Variants in ADGB observed in about 807,000 individuals in gnomAD.
The protein encoded by ADGB is calpain-7-like protein.
Under a neutral mutation model 210.5 loss-of-function variants are expected in ADGB, and 172 were observed. The observed-to-expected ratio is 0.82, with a 90% CI of 0.72 to 0.93. The LOEUF (loss-of-function observed/expected upper bound fraction) is 0.93. ADGB is among the 40% of genes least tolerant of loss of function. The probability of loss-of-function intolerance (pLI) is 0.00; values close to 1 mark genes in which losing one functional copy is unlikely to be tolerated. For missense variants in ADGB, 2,025 were observed against 1,964.8 expected (o/e 1.03, Z -0.58); for synonymous variants, 658 against 662.7 (o/e 0.99, Z 0.11).
rs145321507 is a variant in ADGB at position 146,786,720 on chromosome 6, C to T, written c.4315+1008C>T. Among the ~76,000 whole-genome samples the T allele has an allele frequency of 3.7e-3, 570 of 152,264 alleles. 3 individuals carry two copies. The highest frequency in any genetic ancestry group is 0.013 in the African/African-American group (546 of 41,540). On this transcript the variant is annotated intron_variant, in intron 32 of 35. Coordinates refer to ENST00000397944, the MANE Select transcript of ADGB (RefSeq NM_024694.4). ...ATCTGAAATATTTCTAACTCAAGTA[C>T]TCACTCCTCTAATAGAGTCTAATGT...
chr6:146,709,552 T>C (rs117413898), intron 13 of ADGB, among the ~76,000 whole-genome samples: 2,092 of 152,278 alleles, frequency 0.014, 23 homozygotes, highest in Middle Eastern at 0.034. Flanking sequence ...GAAATCTGGT[T>C]CCACAGAGGC....
At chr6:146,640,962 G>A (rs1001840890) in intron 2 of ADGB, among the ~76,000 whole-genome samples, 1 of 151,904 alleles carries the variant, frequency 6.6e-6, no homozygotes, top group Non-Finnish European at 1.5e-5. Context: ...AGGAAGAGAA[G>A]AAATCAAACA....
At chr6:146,805,938 A>T (rs1371569833) in intron 35 of ADGB, among the ~76,000 whole-genome samples, 2 of 152,242 alleles carry the variant, frequency 1.3e-5, no homozygotes, top group African/African-American at 4.8e-5. Flanking sequence ...TGCTACAATA[A>T]AGACTATATG....
chr6:146,759,882 ATG>A (rs1301720376), intron 27 of ADGB, among the ~76,000 whole-genome samples: 1 of 151,700 alleles, frequency 6.6e-6, no homozygotes, highest in Non-Finnish European at 1.5e-5. Context: ...ACAAATTTTT[ATG>A]TGTTATATTT....
chr6:146,729,921 T>A (rs1776954759), intron 20 of ADGB, among the ~76,000 whole-genome samples: 2 of 152,176 alleles, frequency 1.3e-5, no homozygotes, highest in Admixed American at 1.3e-4. Context: ...GCATCTCTGG[T>A]CTCCACCCTT....
At chr6:146,764,643 A>G (rs534323671) in intron 28 of ADGB, among the ~76,000 whole-genome samples, 1 of 152,344 alleles carries the variant, frequency 6.6e-6, no homozygotes, top group African/African-American at 2.4e-5. Flanking sequence ...ATCCAAATAG[A>G]TCAAATTAAT....
intron 35 of ADGB, among the ~76,000 whole-genome samples, chr6:146,808,188 C>T (rs9485125): frequency 0.063 from 9,524 of 151,926 alleles, 753 homozygotes; most frequent in African/African-American, 0.18. Context: ...TTAGTAGAGA[C>T]GGGGTTTCAC....
At chr6:146,781,333 A>G (rs1418963422) in intron 29 of ADGB, among the ~76,000 whole-genome samples, 5 of 151,150 alleles carry the variant, frequency 3.3e-5, no homozygotes, top group African/African-American at 1.2e-4. Context: ...ACAGAGTGAG[A>G]CTCCATCTCA....
chr6:146,715,264 C>G, intron 13 of ADGB, 118 bp from the exon 14 acceptor site: 1 of 903,790 alleles, frequency 1.1e-6, no homozygotes, highest in Non-Finnish European at 1.7e-6. Context: ...AGTAAATTTT[C>G]CCAAAAATCT....
At chr6:146,693,560 G>A (rs939227563) in intron 12 of ADGB, among the ~76,000 whole-genome samples, 4 of 152,114 alleles carry the variant, frequency 2.6e-5, no homozygotes, top group Non-Finnish European at 4.4e-5. Flanking sequence ...AAACAAATAC[G>A]GACTTTGGTA....
intron 1 of ADGB, among the ~76,000 whole-genome samples, chr6:146,620,466 C>T (rs1780871618): frequency 6.6e-6 from 1 of 152,008 alleles, no homozygotes; most frequent in African/African-American, 2.4e-5. Flanking sequence ...TTTCTTCACT[C>T]ACTTTTATTC....
At chr6:146,617,066 C>T (rs1484896756) in intron 1 of ADGB, among the ~76,000 whole-genome samples, 1 of 151,926 alleles carries the variant, frequency 6.6e-6, no homozygotes, top group African/African-American at 2.4e-5. Context: ...AATAATTCTT[C>T]CAATTTATGA....
intron 20 of ADGB, 112 bp from the exon 21 acceptor site, chr6:146,733,008 C>A (rs958566835): frequency 2.4e-6 from 2 of 850,344 alleles, no homozygotes; most frequent in Non-Finnish European, 3.4e-6. Context: ...GTTGCGTGTA[C>A]ATCTGAGAAA....
intron 26 of ADGB, among the ~76,000 whole-genome samples, chr6:146,747,581 A>C (rs554991735): frequency 8.7e-4 from 132 of 152,220 alleles, no homozygotes; most frequent in African/African-American, 2.6e-3. Flanking sequence ...ATGCTATAGT[A>C]AGTAGTAAGA....
chr6:146,759,414 A>C (rs1004549840), intron 27 of ADGB, among the ~76,000 whole-genome samples: 21 of 151,768 alleles, frequency 1.4e-4, no homozygotes, highest in Admixed American at 1.3e-3. Flanking sequence ...ATATTTTGTA[A>C]AATTTCTAAT....
chr6:146,694,235 A>G (rs910730910), intron 12 of ADGB, among the ~76,000 whole-genome samples: 2 of 152,288 alleles, frequency 1.3e-5, no homozygotes, highest in East Asian at 1.9e-4. Flanking sequence ...AAAATACCAT[A>G]GACTTGTGGC....
chr6:146,663,157 T>C (rs1029590277), intron 5 of ADGB, among the ~76,000 whole-genome samples: 5 of 140,812 alleles, frequency 3.6e-5, no homozygotes, highest in African/African-American at 5.2e-5. Context: ...AAATATATAA[T>C]ATATATTTAT....
chr6:146,615,457 T>G (rs1239870000), intron 1 of ADGB, among the ~76,000 whole-genome samples: 1 of 152,212 alleles, frequency 6.6e-6, no homozygotes, highest in Non-Finnish European at 1.5e-5. Context: ...AATTTTCTCT[T>G]TCTGCTATTT....
chr6:146,728,460 A>G (rs1776930270), intron 19 of ADGB, 114 bp from the exon 20 acceptor site: 1 of 1,086,298 alleles, frequency 9.2e-7, no homozygotes, highest in South Asian at 2.4e-5. Flanking sequence ...AATCCTCTAT[A>G]AAGAATTATT....
Sources: gnomAD v4.1 joint callset for allele counts (sites outside exome capture counted in the v4.1 genomes callset) on GRCh38, gnomAD v4.1.1 for gene constraint, MANE v1.5 for transcripts, NCBI Gene and HGNC (gene_info 2026-07-23, HGNC 2026-07-21) for gene names.